Variants in ZFPM2 observed in about 807,000 individuals in gnomAD.
ZFPM2 encodes the protein zinc finger protein ZFPM2.
ZFPM2 carries 20 observed loss-of-function variants against 98.6 expected under a neutral mutation model. The ratio of observed to expected loss-of-function variants is 0.20; its 90% confidence interval spans 0.14 to 0.29. The LOEUF (loss-of-function observed/expected upper bound fraction) is 0.29. Among genes scored for constraint, ZFPM2 ranks in the 10% least tolerant of loss-of-function variants. The probability of loss-of-function intolerance (pLI) is 1.00; values close to 1 mark genes in which losing one functional copy is unlikely to be tolerated. For synonymous variants in ZFPM2, 518 were observed against 502.7 expected, an observed-to-expected ratio of 1.03 and a Z score of -0.41; for missense variants, 1,310 against 1,388.6, an observed-to-expected ratio of 0.94 and a Z score of 0.90.
intron 2 of ZFPM2, among the ~76,000 whole-genome samples, chr8:105,428,601 C>T (rs1481973575): frequency 1.3e-5 from 2 of 152,164 alleles, no homozygotes; most frequent in Non-Finnish European, 1.5e-5. Context: ...TAATAAATGG[C>T]AGGAATGTTT....
At chr8:105,381,583 T>C (rs370883769) in intron 1 of ZFPM2, among the ~76,000 whole-genome samples, 101 of 152,216 alleles carry the variant, frequency 6.6e-4, no homozygotes, top group African/African-American at 2.3e-3. Context: ...TCCCCATAGT[T>C]CCCTCATTGC....
intron 3 of ZFPM2, among the ~76,000 whole-genome samples, chr8:105,454,137 T>A (rs1314810779): frequency 6.6e-6 from 1 of 152,028 alleles, no homozygotes; most frequent in Non-Finnish European, 1.5e-5. Context: ...ATATGAAAAG[T>A]CTTTTCGAAT....
intron 1 of ZFPM2, among the ~76,000 whole-genome samples, chr8:105,361,849 G>A (rs546810461): frequency 6.6e-6 from 1 of 151,220 alleles, no homozygotes; most frequent in African/African-American, 2.5e-5. Flanking sequence ...TTATGTTTAG[G>A]TATGTTTAGA....
intron 5 of ZFPM2, among the ~76,000 whole-genome samples, chr8:105,702,307 G>T (rs1278145464): frequency 1.3e-5 from 2 of 152,202 alleles, no homozygotes; most frequent in African/African-American, 4.8e-5. Context: ...AGCAGCCTGT[G>T]TTAGGTCTTC....
At chr8:105,651,259 T>C (rs1188486275) in intron 5 of ZFPM2, among the ~76,000 whole-genome samples, 2 of 152,174 alleles carry the variant, frequency 1.3e-5, no homozygotes, top group Non-Finnish European at 2.9e-5. Context: ...CTGTTACTGC[T>C]CTTCCCCAGA....
At chr8:105,674,934 A>G (rs1265834349) in intron 5 of ZFPM2, among the ~76,000 whole-genome samples, 3 of 152,154 alleles carry the variant, frequency 2.0e-5, no homozygotes, top group Admixed American at 2.0e-4. Context: ...TAATTCTGGA[A>G]CCTGTGGTTG....
chr8:105,650,984 C>T (rs963277791), intron 5 of ZFPM2, among the ~76,000 whole-genome samples: 9 of 152,224 alleles, frequency 5.9e-5, no homozygotes, highest in African/African-American at 2.2e-4. Context: ...TCAATTCTAG[C>T]GTCTTCTTTC....
chr8:105,734,176 C>CATAA (rs1193655813), intron 5 of ZFPM2, among the ~76,000 whole-genome samples: 3 of 151,860 alleles, frequency 2.0e-5, no homozygotes, highest in Non-Finnish European at 2.9e-5. Context: ...ATGTCTTCTG[C>CATAA]ATAAATGCAA....
At chr8:105,723,145 C>T (rs1030273180) in intron 5 of ZFPM2, among the ~76,000 whole-genome samples, 6 of 151,958 alleles carry the variant, frequency 3.9e-5, no homozygotes, top group Middle Eastern at 3.4e-3. Context: ...ATAAAAATTT[C>T]ATCCCCCACC....
Position 105,636,966 on chromosome 8 carries a change from G to A in ZFPM2, c.532+2609G>A, listed in dbSNP as rs567156561. Among the ~76,000 whole-genome samples the A allele has an allele frequency of 2.0e-5, 3 of 152,238 alleles. No homozygotes were observed. The South Asian group carries it at 6.2e-4, about 32-fold the overall frequency. ...TTACAAAGGTAGATAAAAGACTTAAGTAGGGTAAATAATTTGCCATGGTCA... is the reference window on the plus strand; with the variant it reads ...TTACAAAGGTAGATAAAAGACTTAAATAGGGTAAATAATTTGCCATGGTCA... On this transcript the variant is annotated intron_variant, in intron 5 of 7. Coordinates refer to ENST00000407775, the MANE Select transcript of ZFPM2 (RefSeq NM_012082.4).
intron 4 of ZFPM2, among the ~76,000 whole-genome samples, chr8:105,599,831 T>A (rs1281471372): frequency 6.6e-6 from 1 of 152,084 alleles, no homozygotes; most frequent in East Asian, 1.9e-4. Flanking sequence ...GGAAAAGGCT[T>A]TCACTTGCAC....
At chr8:105,680,129 A>T (rs1466063649) in intron 5 of ZFPM2, among the ~76,000 whole-genome samples, 1 of 152,198 alleles carries the variant, frequency 6.6e-6, no homozygotes, top group Non-Finnish European at 1.5e-5. Context: ...TCAAGAAGCT[A>T]CTTGTATTAG....
intron 4 of ZFPM2, among the ~76,000 whole-genome samples, chr8:105,595,628 G>C (rs73309948): frequency 6.6e-6 from 1 of 152,054 alleles, no homozygotes; most frequent in African/African-American, 2.4e-5. Flanking sequence ...ACACAATATC[G>C]GGTGAAACAC....
intron 5 of ZFPM2, among the ~76,000 whole-genome samples, chr8:105,734,932 C>T (rs7836133): frequency 0.43 from 64,050 of 150,186 alleles, 14,892 homozygotes; most frequent in African/African-American, 0.62. Flanking sequence ...AATATATCTG[C>T]CATTTCCAGT....
chr8:105,623,234 A>G (rs763148457), intron 4 of ZFPM2, among the ~76,000 whole-genome samples: 1 of 152,172 alleles, frequency 6.6e-6, no homozygotes, highest in Non-Finnish European at 1.5e-5. Context: ...CCTTCCCAAA[A>G]GATACTATAG....
chr8:105,724,570 G>A (rs996996537), intron 5 of ZFPM2, among the ~76,000 whole-genome samples: 1 of 151,820 alleles, frequency 6.6e-6, no homozygotes, highest in Non-Finnish European at 1.5e-5. Context: ...GCATCACATG[G>A]CATTTTAAGC....
chr8:105,521,739 A>G (rs929134213), intron 3 of ZFPM2, among the ~76,000 whole-genome samples: 2 of 152,048 alleles, frequency 1.3e-5, no homozygotes, highest in African/African-American at 4.8e-5. Context: ...CACCATGCTC[A>G]GCTAATTTTG....
chr8:105,425,727 G>A (rs1811893768), intron 2 of ZFPM2, among the ~76,000 whole-genome samples: 1 of 152,070 alleles, frequency 6.6e-6, no homozygotes, highest in South Asian at 2.1e-4. Flanking sequence ...ATTCCTCCTT[G>A]TTACCTGTAA....
At chr8:105,494,071 C>A (rs1029130308) in intron 3 of ZFPM2, among the ~76,000 whole-genome samples, 2 of 150,906 alleles carry the variant, frequency 1.3e-5, no homozygotes, top group Admixed American at 6.6e-5. Flanking sequence ...TCAGGCTTGT[C>A]TTCTACTCAG....
Sources: gnomAD v4.1 joint callset for allele counts (sites outside exome capture counted in the v4.1 genomes callset) on GRCh38, gnomAD v4.1.1 for gene constraint, MANE v1.5 for transcripts, NCBI Gene and HGNC (gene_info 2026-07-23, HGNC 2026-07-21) for gene names.